PTPRD: variants seen among roughly 807,000 people sequenced by gnomAD.
The protein encoded by PTPRD is receptor-type tyrosine-protein phosphatase delta.
A neutral mutation model predicts 214.5 loss-of-function variants in PTPRD; 34 were observed. The ratio of observed to expected loss-of-function variants is 0.16; its 90% CI spans 0.12 to 0.21. PTPRD has a LOEUF of 0.21. Among genes scored for constraint, PTPRD ranks in the 10% least tolerant of loss-of-function variants. The probability of loss-of-function intolerance (pLI) is 1.00; values close to 1 mark genes in which losing one functional copy is unlikely to be tolerated. For synonymous variants in PTPRD, 1,128 were observed against 845.7 expected, an observed-to-expected ratio of 1.33 and a Z score of -5.79; for missense variants, 2,545 against 2,398.7, an observed-to-expected ratio of 1.06 and a Z score of -1.27.
chr9:8,533,920 T>G (rs989182084), intron 14 of PTPRD, among the ~76,000 whole-genome samples: 2 of 152,046 alleles, frequency 1.3e-5, no homozygotes, highest in African/African-American at 4.8e-5. Context: ...ACAGTCATTC[T>G]TCAACTGTTT....
chr9:8,748,180 C>G (rs894392457), intron 11 of PTPRD, among the ~76,000 whole-genome samples: 1 of 152,082 alleles, frequency 6.6e-6, no homozygotes, highest in African/African-American at 2.4e-5. Flanking sequence ...TTGGGTTTTC[C>G]TGTTGAGAGC....
At chr9:10,319,561 A>G (rs1408345927) in intron 3 of PTPRD, among the ~76,000 whole-genome samples, 1 of 152,036 alleles carries the variant, frequency 6.6e-6, no homozygotes, top group African/African-American at 2.4e-5. Flanking sequence ...TCTTTCTTTC[A>G]ATTAGTTTTT....
At chr9:9,933,162 G>A (rs1481250549) in intron 5 of PTPRD, among the ~76,000 whole-genome samples, 6 of 152,354 alleles carry the variant, frequency 3.9e-5, no homozygotes, top group Admixed American at 1.3e-4. Flanking sequence ...GGAAGTAACT[G>A]CATCAACTAA....
intron 10 of PTPRD, among the ~76,000 whole-genome samples, chr9:9,102,686 A>G (rs1220280084): frequency 1.3e-5 from 2 of 152,198 alleles, no homozygotes; most frequent in Non-Finnish European, 2.9e-5. Flanking sequence ...TATACAGACT[A>G]CAATTGTTTT....
intron 3 of PTPRD, among the ~76,000 whole-genome samples, chr9:10,308,914 G>T (rs2096178621): frequency 6.6e-6 from 1 of 151,976 alleles, no homozygotes; most frequent in Middle Eastern, 3.2e-3. Context: ...TAAAAATGTT[G>T]CAATAAATAT....
At chr9:9,420,213 CA>C (rs1382442621) in intron 8 of PTPRD, among the ~76,000 whole-genome samples, 1 of 151,758 alleles carries the variant, frequency 6.6e-6, no homozygotes, top group Admixed American at 6.6e-5. Context: ...TTTTAATTGA[CA>C]CAAACAAAAT....
At chr9:9,991,502 C>T (rs1394559661) in intron 4 of PTPRD, among the ~76,000 whole-genome samples, 3 of 151,992 alleles carry the variant, frequency 2.0e-5, no homozygotes, top group Non-Finnish European at 4.4e-5. Context: ...GCTGGGATTA[C>T]AGGCATGAGC....
intron 5 of PTPRD, among the ~76,000 whole-genome samples, chr9:9,884,933 A>AGT (rs2153747538): frequency 6.6e-6 from 1 of 152,240 alleles, no homozygotes; most frequent in East Asian, 1.9e-4. Flanking sequence ...TAAGTTACCC[A>AGT]GTCTCATGTA....
intron 2 of PTPRD, among the ~76,000 whole-genome samples, chr9:10,549,880 C>T (rs1442820919): frequency 6.6e-6 from 1 of 152,128 alleles, no homozygotes; most frequent in South Asian, 2.1e-4. Flanking sequence ...ATTCCCTCCT[C>T]CCAACCAATG....
chr9:8,656,668 C>A (rs1448278186), intron 12 of PTPRD, among the ~76,000 whole-genome samples: 1 of 152,166 alleles, frequency 6.6e-6, no homozygotes, highest in Non-Finnish European at 1.5e-5. Flanking sequence ...TTTGCAGGGT[C>A]CAGCTAGGGA....
intron 9 of PTPRD, among the ~76,000 whole-genome samples, chr9:9,393,359 T>C (rs556305318): frequency 9.8e-5 from 15 of 152,286 alleles, no homozygotes; most frequent in Middle Eastern, 3.4e-3. Flanking sequence ...GCAAAACTCC[T>C]TGGAGCTGAG....
At chr9:8,735,536 G>A (rs2090062163) in intron 11 of PTPRD, among the ~76,000 whole-genome samples, 1 of 152,170 alleles carries the variant, frequency 6.6e-6, no homozygotes. Flanking sequence ...TGCCAGTCCA[G>A]AGACCACACT....
chr9:9,318,347 G>C (rs1026140702), intron 9 of PTPRD, among the ~76,000 whole-genome samples: 3 of 152,002 alleles, frequency 2.0e-5, no homozygotes, highest in Non-Finnish European at 4.4e-5. Context: ...CAGGAAAGTA[G>C]TGAACTTCTT....
intron 39 of PTPRD, among the ~76,000 whole-genome samples, chr9:8,353,398 G>T (rs1270295440): frequency 6.8e-6 from 1 of 146,464 alleles, no homozygotes; most frequent in African/African-American, 2.4e-5. Flanking sequence ...GAATCAGTAT[G>T]CCTATTTATT....
At chr9:8,363,940 T>C (rs959749654) in intron 39 of PTPRD, among the ~76,000 whole-genome samples, 1 of 152,252 alleles carries the variant, frequency 6.6e-6, no homozygotes, top group African/African-American at 2.4e-5. Context: ...TAACAAGAAA[T>C]TCTCTCGGCA....
At chr9:9,240,319 C>T (rs1197765363) in intron 9 of PTPRD, among the ~76,000 whole-genome samples, 1 of 152,058 alleles carries the variant, frequency 6.6e-6, no homozygotes, top group Non-Finnish European at 1.5e-5. Context: ...TATATTTTGA[C>T]ATCTTGTTTT....
intron 8 of PTPRD, among the ~76,000 whole-genome samples, chr9:9,464,005 C>G (rs1167162209): frequency 6.6e-6 from 1 of 152,162 alleles, no homozygotes; most frequent in African/African-American, 2.4e-5. Flanking sequence ...CTCTTTCTTT[C>G]CACTCCCTAA....
At chr9:9,997,110 A>G (rs1037330419) in intron 4 of PTPRD, among the ~76,000 whole-genome samples, 1 of 152,204 alleles carries the variant, frequency 6.6e-6, no homozygotes, top group Non-Finnish European at 1.5e-5. Flanking sequence ...AGGAAAACCT[A>G]AGAATAATAT....
chr9:9,776,131 G>A (rs187557351), intron 5 of PTPRD, among the ~76,000 whole-genome samples: 4 of 152,148 alleles, frequency 2.6e-5, no homozygotes, highest in Admixed American at 2.6e-4. Flanking sequence ...CCATGCCCAC[G>A]TTCTGCTGGA....
Sources: gnomAD v4.1 joint callset for allele counts (sites outside exome capture counted in the v4.1 genomes callset) on GRCh38, gnomAD v4.1.1 for gene constraint, MANE v1.5 for transcripts, NCBI Gene and HGNC (gene_info 2026-07-23, HGNC 2026-07-21) for gene names.